The following NMRK2 variants were observed in gnomAD, a reference collection of about 807,000 sequenced individuals.
NMRK2 encodes the protein nicotinamide riboside kinase 2.
Under a neutral mutation model 24.7 loss-of-function variants are expected in NMRK2, and 34 were observed. The ratio of observed to expected loss-of-function variants is 1.37; its 90% CI spans 1.05 to 1.83. The LOEUF (loss-of-function observed/expected upper bound fraction) is 1.83, where lower values mean the gene tolerates loss of function less well. Ranked by LOEUF, NMRK2 falls within the 40% of genes most tolerant of loss-of-function variation. NMRK2 has a pLI of 0.00. For missense variants in NMRK2, 341 were observed against 315.0 expected (o/e 1.08, Z -0.62); for synonymous variants, 145 against 125.6 (o/e 1.15, Z -1.03).
At chr19:3,941,340 C>G (rs1211173228) in intron 7 of NMRK2, among the ~76,000 whole-genome samples, 163 bp downstream of exon 7, 1 of 151,788 alleles carries the variant, frequency 6.6e-6, no homozygotes, top group Non-Finnish European at 1.5e-5. Flanking sequence ...ACCTCCGCCT[C>G]CCAGGTTCAA....
At chr19:3,935,870 C>T (rs557534516) in intron 2 of NMRK2, among the ~76,000 whole-genome samples, 174 of 151,960 alleles carry the variant, frequency 1.1e-3, no homozygotes, top group African/African-American at 3.9e-3. Context: ...CGTGCATGGC[C>T]GGTGCTGTTT....
chr19:3,936,416 AG>A (rs199886339), intron 2 of NMRK2, among the ~76,000 whole-genome samples, 158 bp from the exon 3 acceptor site: 2,668 of 151,820 alleles, frequency 0.018, 27 homozygotes, highest in African/African-American at 0.026. Flanking sequence ...TCAAAAAAAA[AG>A]AAAAAGAATC....
chr19:3,936,490 C>G, intron 2 of NMRK2, 85 bp from the exon 3 acceptor site: 1 of 901,690 alleles, frequency 1.1e-6, no homozygotes, highest in Non-Finnish European at 1.7e-6. Context: ...CCGGGGAGCC[C>G]AGGCTGCACC....
intron 2 of NMRK2, among the ~76,000 whole-genome samples, chr19:3,936,212 GAAA>G (rs746884107): frequency 7.6e-6 from 1 of 131,286 alleles, no homozygotes; most frequent in Non-Finnish European, 1.7e-5. Context: ...CTCCGTCTCG[GAAA>G]AAAAAAAAAG....
chr19:3,934,226 G>C (rs367728393), intron 2 of NMRK2, among the ~76,000 whole-genome samples: 49 of 152,216 alleles, frequency 3.2e-4, no homozygotes, highest in African/African-American at 1.1e-3. Context: ...CAGCCTGGGC[G>C]ACAGAGTGAG....
At chr19:3,941,425 GTAT>G (rs960457867) in intron 7 of NMRK2, among the ~76,000 whole-genome samples, 13 of 151,078 alleles carry the variant, frequency 8.6e-5, no homozygotes, top group South Asian at 2.1e-4. Flanking sequence ...CCTAATTTGT[GTAT>G]TATTAATAGA....
chr19:3,936,750 C>G, intron 3 of NMRK2, 85 bp downstream of exon 3: 3 of 1,163,918 alleles, frequency 2.6e-6, no homozygotes, highest in Non-Finnish European at 2.4e-6. Context: ...CTCCACTGCC[C>G]AGTGCCCGTG....
chr19:3,939,528 A>G (rs2039288858), intron 5 of NMRK2, among the ~76,000 whole-genome samples: 1 of 151,960 alleles, frequency 6.6e-6, no homozygotes, highest in African/African-American at 2.4e-5. Flanking sequence ...AAAAAATTAA[A>G]ACTAAAAACT....
At position 3,941,088 on chromosome 19, in the gene NMRK2, T is replaced by A. The variant is rs2039323429; in HGVS notation, c.413T>A (p.Val138Asp). ...KWRRSTRNYT[V>D]PDPPGLFDGH... ...CTCTGCAGTACCCGCAACTACACAGTCCCTGATCCCCCCGGCCTCTTCGAT... is the reference window on the plus strand; with the variant it reads ...CTCTGCAGTACCCGCAACTACACAGACCCTGATCCCCCCGGCCTCTTCGAT... Residue 138 changes from valine to aspartate, a missense_variant, in exon 7 of 8, where the codon GTC becomes GAC. Transcript: ENST00000168977. 3 of 1,612,958 alleles carry A rather than the reference T, an allele frequency of 1.9e-6. No homozygotes were observed. The highest frequency in any genetic ancestry group is 1.7e-6 in the Non-Finnish European group (2 of 1,179,192).
intron 5 of NMRK2, 139 bp downstream of exon 5, chr19:3,938,898 G>C (rs2039276398): frequency 1.5e-6 from 1 of 676,206 alleles, no homozygotes; most frequent in Non-Finnish European, 2.2e-6. Context: ...GCCCAGGCTG[G>C]AGTGCAGTGG....
At chr19:3,933,409 A>G in intron 1 of NMRK2, 49 bp from the exon 2 acceptor site, 1 of 495,174 alleles carries the variant, frequency 2.0e-6, no homozygotes, top group Non-Finnish European at 3.6e-6. Context: ...AGGAGGGAAG[A>G]GGCAGCCCCC....
chr19:3,941,666 G>A (rs1599166304), intron 7 of NMRK2, among the ~76,000 whole-genome samples: 1 of 147,402 alleles, frequency 6.8e-6, no homozygotes. Context: ...TTGTTTAGAC[G>A]GAGTCTTGTT....
At chr19:3,940,696 C>T (rs2039315721) in intron 6 of NMRK2, among the ~76,000 whole-genome samples, 1 of 146,342 alleles carries the variant, frequency 6.8e-6, no homozygotes, top group Non-Finnish European at 1.5e-5. Context: ...GATCAGGCTA[C>T]TGTACTCCAA....
At chr19:3,936,034 A>C (rs934253392) in intron 2 of NMRK2, among the ~76,000 whole-genome samples, 3 of 152,124 alleles carry the variant, frequency 2.0e-5, no homozygotes, top group African/African-American at 7.2e-5. Context: ...GACATGGCAA[A>C]ACCCCATCGC....
chr19:3,938,553 A>T, intron 4 of NMRK2, 50 bp from the exon 5 acceptor site: 1 of 1,454,494 alleles, frequency 6.9e-7, no homozygotes. Flanking sequence ...CTCCCCGTCC[A>T]CTATCCCCCA....
Position 3,941,134 on chromosome 19 carries a change from C to G in NMRK2, c.459C>G (p.Tyr153Ter). The G allele has an allele frequency of 1.2e-6, 2 of 1,612,502 alleles. No individual in the cohort carries two copies. The highest frequency in any genetic ancestry group is 2.2e-5 in the East Asian group (1 of 44,782). Residue 153 changes from tyrosine (Y) to a stop codon, truncating the protein, a stop_gained, in exon 7 of 8, where the codon TAC becomes TAG. Coordinates refer to ENST00000168977, the MANE Select transcript of NMRK2 (RefSeq NM_170678.3). LOFTEE classifies it low-confidence loss of function (END_TRUNC). Reference protein sequence around the residue: ...GLFDGHVWPMYQKYRQEMEAN... With the variant: ...GLFDGHVWPM ...TCGATGGCCACGTGTGGCCCATGTA[C>G]CAGAAGTATAGGCAGGAGATGGAGG... is the stretch of plus-strand genomic sequence containing the variant.
chr19:3,934,812 A>T (rs1244046051), intron 2 of NMRK2, among the ~76,000 whole-genome samples: 2 of 151,836 alleles, frequency 1.3e-5, no homozygotes, highest in Admixed American at 6.6e-5. Context: ...CGAACTCCTG[A>T]CCTCAAGTGA....
rs532871213 is a variant in NMRK2, at chr19:3,941,577, T to A, written c.502+400T>A. On this transcript the variant is annotated intron_variant, in intron 7 of 7. Transcript: ENST00000168977. ...CACCATTCTAAACGCCCTTCAGTAC[T>A]CCCCACTCAGGACCTTTGGAAACCT... Among the ~76,000 whole-genome samples, 18 of 151,966 alleles carry A rather than the reference T, an allele frequency of 1.2e-4. No individual in the cohort carries two copies. The East Asian group carries it at 3.3e-3, about 28-fold the overall frequency.
chr19:3,938,819 CTT>C lies in NMRK2; in HGVS notation c.323+61_323+62del, dbSNP rs1171588843. 83 of 330,236 alleles carry C rather than the reference CTT, an allele frequency of 2.5e-4. 1 individual carries two copies. The highest frequency in any genetic ancestry group is 1.4e-3 in the South Asian group (16 of 11,360). 20.5% of individuals were successfully genotyped at this position (330,236 alleles called of 1,614,324 possible). On this transcript the variant is annotated intron_variant, in intron 5 of 7. Transcript: ENST00000168977. ...CCTCTCTGGGCGGGTATAGCCATCTCTTGTTTTTTTTTTTTTTTTTTTTTGTT... is the reference window on the plus strand; with the variant it reads ...CCTCTCTGGGCGGGTATAGCCATCTCGTTTTTTTTTTTTTTTTTTTTTGTT...
Sources: allele counts gnomAD v4.1 joint callset (sites outside exome capture counted in the v4.1 genomes callset), GRCh38; gene constraint gnomAD v4.1.1; transcripts MANE v1.5; gene names NCBI Gene and HGNC (gene_info 2026-07-23, HGNC 2026-07-21).